OTULINL: variants seen among roughly 807,000 people sequenced by gnomAD.
OTULINL encodes inactive ubiquitin thioesterase OTULINL.
A neutral mutation model predicts 43.9 loss-of-function variants in OTULINL; 42 were observed. The observed-to-expected ratio is 0.96, with a 90% CI of 0.75 to 1.24. The LOEUF is 1.24. Among genes scored for constraint, OTULINL ranks in the 50% most tolerant of loss-of-function variants. The probability of loss-of-function intolerance (pLI) is 0.00; values close to 1 mark genes in which losing one functional copy is unlikely to be tolerated. For synonymous variants in OTULINL, 172 were observed against 153.6 expected, an observed-to-expected ratio of 1.12 and a Z score of -0.88; for missense variants, 411 against 426.4, an observed-to-expected ratio of 0.96 and a Z score of 0.32.
At chr5:14,605,129 T>A (rs1417436835) in intron 5 of OTULINL, among the ~76,000 whole-genome samples, 1 of 152,228 alleles carries the variant, frequency 6.6e-6, no homozygotes, top group Non-Finnish European at 1.5e-5. Flanking sequence ...GGCATTTCTG[T>A]ATATCCTCTG....
In OTULINL at chr5:14,601,044, G is replaced by A; in HGVS notation, c.144G>A (p.Val48=). The change falls in exon 2 of 8, where the codon GTG becomes GTA. Residue 48 remains valine, a synonymous_variant. Coordinates refer to ENST00000274217, the MANE Select transcript of OTULINL (RefSeq NM_019018.3). ...TCTGGAGAATGGCAAAAGGCTTTGTGATGTTGGCAGTTTCATTTCTGGTGG... is the reference window on the plus strand; with the variant it reads ...TCTGGAGAATGGCAAAAGGCTTTGTAATGTTGGCAGTTTCATTTCTGGTGG... ...DTVWRMAKGF[V]MLAVSFLVAA... 1 of 1,612,402 alleles carries A rather than the reference G, an allele frequency of 6.2e-7. No individual in the cohort carries two copies. Among genetic ancestry groups the A allele is most frequent in the Non-Finnish European group, 8.5e-7 (1 of 1,179,714 alleles).
In OTULINL at chr5:14,613,043, C is replaced by T. The variant is rs934518723; in HGVS notation, c.*2729C>T. ...GTTCAAGCGATTCTCCTGCCTCAGC[C>T]TCCCGAGTAGCCGGGATTACAGGTG... On this transcript the variant is annotated 3_prime_UTR_variant, in exon 8 of 8. Coordinates refer to ENST00000274217, the MANE Select transcript of OTULINL (RefSeq NM_019018.3). 3.9e-5 allele frequency among the ~76,000 whole-genome samples: 6 copies of T among 152,162 alleles called. No individual in the cohort carries two copies. Among genetic ancestry groups the T allele is most frequent in the Non-Finnish European group, 8.8e-5 (6 of 68,010 alleles).
chr5:14,602,117 A>T, intron 4 of OTULINL, 66 bp from the exon 5 acceptor site: 1 of 1,284,264 alleles, frequency 7.8e-7, no homozygotes, highest in Non-Finnish European at 1.0e-6. Flanking sequence ...CTGAAAATAC[A>T]GTGAATTCAC....
At chr5:14,605,879 A>G (rs1397647584) in intron 5 of OTULINL, among the ~76,000 whole-genome samples, 3 of 152,322 alleles carry the variant, frequency 2.0e-5, no homozygotes, top group Non-Finnish European at 2.9e-5. Flanking sequence ...AAGCCATTCA[A>G]CAAGTCTCTA....
chr5:14,592,266 T>C (rs961251142), intron 1 of OTULINL, among the ~76,000 whole-genome samples: 13 of 152,086 alleles, frequency 8.5e-5, no homozygotes, highest in Non-Finnish European at 1.8e-4. Context: ...CCCAAAGATA[T>C]CATGTAGGGA....
Position 14,601,103 on chromosome 5 carries a change from A to G in OTULINL, c.203A>G (p.Tyr68Cys). 2 of 1,612,376 alleles carry G rather than the reference A, an allele frequency of 1.2e-6. No homozygotes were observed. Among genetic ancestry groups the G allele is most frequent in the Non-Finnish European group, 1.7e-6 (2 of 1,179,436 alleles). Residue 68 changes from tyrosine to cysteine, a missense_variant, in exon 2 of 8, where the codon TAT becomes TGT. Physicochemically the swap from Tyr to Cys is radical, Grantham distance 194. Coordinates refer to ENST00000274217, the MANE Select transcript of OTULINL (RefSeq NM_019018.3). ...AICYFRRLHL[Y>C]SGHKLKWWIG... Reference sequence around the variant, plus strand: ...TGCTACTTCCGGAGGCTACATTTATATTCAGGGCACAAGCTGAAATGGTAG... The same window carrying G: ...TGCTACTTCCGGAGGCTACATTTATGTTCAGGGCACAAGCTGAAATGGTAG...
intron 1 of OTULINL, among the ~76,000 whole-genome samples, chr5:14,595,867 TATGAGACCTAGGTA>T (rs1465342475): frequency 1.1e-3 from 162 of 152,224 alleles, no homozygotes; most frequent in African/African-American, 3.6e-3. Context: ...TAGGGGGATG[TATGAGACCTAGGTA>T]ATACACTTTG....
In OTULINL at chr5:14,612,928, A is replaced by AT. The variant is rs34420993; in HGVS notation, c.*2625dup. Among the ~76,000 whole-genome samples, 2 of 150,706 alleles carry AT rather than the reference A, an allele frequency of 1.3e-5. No homozygotes were observed. Among genetic ancestry groups the AT allele is most frequent in the Non-Finnish European group, 3.0e-5 (2 of 67,626 alleles). On this transcript the variant is annotated 3_prime_UTR_variant, in exon 8 of 8. Coordinates refer to ENST00000274217, the MANE Select transcript of OTULINL (RefSeq NM_019018.3). ...ATAACATATAGTTTATATTTTAACA[A>AT]TTTTTTTTTTTGAGACGGAGTTTCA...
chr5:14,610,308 CTT>C lies in OTULINL; in HGVS notation c.1068_1069del (p.Phe356LeufsTer137). 6.2e-7 allele frequency: 1 copy of C among 1,612,580 alleles called. No individual in the cohort carries two copies. The highest frequency in any genetic ancestry group is 8.5e-7 in the Non-Finnish European group (1 of 1,179,968). On this transcript the variant is annotated frameshift_variant, in exon 8 of 8. Transcript: ENST00000274217. LOFTEE classifies it high-confidence loss of function. ...ENDRHYHIPV[F>X] ...ACGACCGCCACTACCACATTCCAGT[CTT>C]TTAAGTCCGCTGGGGGCCGAACAGC...
intron 3 of OTULINL, 23 bp downstream of exon 3, chr5:14,601,267 T>A (rs1456997416): frequency 2.5e-6 from 4 of 1,609,646 alleles, no homozygotes; most frequent in Non-Finnish European, 3.4e-6. Context: ...ATTCATTTAT[T>A]TCTTTATTTT....
rs201419214 is a variant in OTULINL, at chr5:14,600,991, C to T, written c.91C>T (p.Leu31=). Reference sequence around the variant, plus strand: ...AAGTGACCAAGTTCACTCCTGGATGCTAGCTACAAGCCAAGCCTTAGACAC... The same window carrying T: ...AAGTGACCAAGTTCACTCCTGGATGTTAGCTACAAGCCAAGCCTTAGACAC... The part of the protein sequence containing the change: ...AGSDQVHSWM[L]ATSQALDTVW... Residue 31 remains leucine (L), a synonymous_variant, in exon 2 of 8, where the codon CTA becomes TTA. Transcript: ENST00000274217. 2.8e-5 allele frequency: 42 copies of T among 1,513,720 alleles called. No homozygotes were observed. Among genetic ancestry groups the T allele is most frequent in the Non-Finnish European group, 3.6e-5 (41 of 1,134,394 alleles). The allele number at this position is 1,513,720 out of a possible 1,614,324, so 93.8% of individuals were successfully genotyped here.
rs767824262 is a variant in OTULINL at position 14,601,213 on chromosome 5, G to A, written c.225G>A (p.Trp75Ter). The change falls in exon 3 of 8, where the codon TGG (tryptophan) becomes TGA (stop). Residue 75 changes from tryptophan to a stop codon, truncating the protein, a stop_gained and splice_region_variant. Coordinates refer to ENST00000274217, the MANE Select transcript of OTULINL (RefSeq NM_019018.3). LOFTEE classifies it high-confidence loss of function. ...ATTATTGTTCCCTTTTATCTTTCAG[G>A]TGGATTGGATATCTGCAGAGAAAAT... ...LHLYSGHKLK[W>*]WIGYLQRKFK... is the part of the protein sequence containing the mutation. 1.9e-6 allele frequency: 3 copies of A among 1,611,624 alleles called. No individual in the cohort carries two copies. In the South Asian group the frequency reaches 3.3e-5, roughly 18 times the overall value.
At position 14,613,341 on chromosome 5, in the gene OTULINL, A is replaced by G. The variant is rs774143429; in HGVS notation, c.*3027A>G. 1.2e-3 allele frequency among the ~76,000 whole-genome samples: 176 copies of G among 152,314 alleles called. No homozygotes were observed. Among genetic ancestry groups the G allele is most frequent in the Non-Finnish European group, 2.0e-3 (133 of 68,020 alleles). On this transcript the variant is annotated 3_prime_UTR_variant, in exon 8 of 8. Coordinates refer to ENST00000274217, the MANE Select transcript of OTULINL (RefSeq NM_019018.3). ...GACTGACTTTTTTTCAAAGCAGGCA[A>G]CTTTAATTCCCTACCTGGTATCTGG... is the stretch of plus-strand genomic sequence containing the variant.
intron 5 of OTULINL, among the ~76,000 whole-genome samples, chr5:14,602,596 C>G (rs759663912): frequency 2.0e-5 from 3 of 152,090 alleles, no homozygotes; most frequent in Non-Finnish European, 2.9e-5. Context: ...CCACCACGCC[C>G]ATGTAATTTC....
chr5:14,581,828 C>G lies in OTULINL; in HGVS notation c.-67C>G, dbSNP rs939520871. 56 of 1,251,282 alleles carry G rather than the reference C, an allele frequency of 4.5e-5. No homozygotes were observed. The highest frequency in any genetic ancestry group is 5.5e-5 in the Non-Finnish European group (54 of 985,178). The allele number at this position is 1,251,282 out of a possible 1,614,324, so 77.5% of individuals were successfully genotyped here. A position where few individuals can be genotyped will look rare whatever the true frequency, so the allele number is the denominator to read the frequency against. On this transcript the variant is annotated 5_prime_UTR_variant, in exon 1 of 8. Transcript: ENST00000274217. ...GCGAGCCCGGGCGCCGGCGGGCGGC[C>G]GTCGCGTCTGACAGACCACTGCAGA...
intron 1 of OTULINL, among the ~76,000 whole-genome samples, chr5:14,587,912 G>A (rs1322038527): frequency 6.6e-6 from 1 of 151,992 alleles, no homozygotes; most frequent in Non-Finnish European, 1.5e-5. Context: ...TTCCCTCCCA[G>A]TCTCCTTGAT....
intron 1 of OTULINL, among the ~76,000 whole-genome samples, chr5:14,592,450 A>G (rs898653380): frequency 3.3e-5 from 5 of 152,154 alleles, no homozygotes; most frequent in African/African-American, 9.7e-5. Context: ...TCAGACTTCT[A>G]CTTCTTTTCT....
chr5:14,597,526 A>G (rs938048892), intron 1 of OTULINL, among the ~76,000 whole-genome samples: 2 of 152,236 alleles, frequency 1.3e-5, no homozygotes, highest in East Asian at 1.9e-4. Context: ...TAATTCCTGT[A>G]GAACACTTAA....
Position 14,609,030 on chromosome 5 carries a change from G to A in OTULINL, c.897+13G>A. The A allele has an allele frequency of 6.3e-7, 1 of 1,599,820 alleles. No individual in the cohort carries two copies. Among genetic ancestry groups the A allele is most frequent in the South Asian group, 1.1e-5 (1 of 89,390 alleles). ...TGGACTAGAGCAGGTAACCGGGGAG[G>A]AAGAACTGCTTGTATTTGATTAAGG... On this transcript the variant is annotated intron_variant, in intron 7 of 7. Coordinates refer to ENST00000274217, the MANE Select transcript of OTULINL (RefSeq NM_019018.3).
Sources: gnomAD v4.1 joint callset for allele counts (sites outside exome capture counted in the v4.1 genomes callset) on GRCh38, gnomAD v4.1.1 for gene constraint, MANE v1.5 for transcripts, NCBI Gene and HGNC (gene_info 2026-07-23, HGNC 2026-07-21) for gene names.